Variants in CTNNA3 observed in about 807,000 individuals in gnomAD.
CTNNA3 encodes the protein catenin alpha-3.
Under a neutral mutation model 95.7 loss-of-function variants are expected in CTNNA3, and 76 were observed. The ratio of observed to expected loss-of-function variants is 0.79; its 90% CI spans 0.66 to 0.96. The LOEUF is 0.96. CTNNA3 is among the 40% of genes least tolerant of loss of function. The pLI is 0.00. For missense variants in CTNNA3, 1,191 were observed against 1,089.8 expected (o/e 1.09, Z -1.31); for synonymous variants, 431 against 374.4 (o/e 1.15, Z -1.74).
At chr10:66,616,969 A>G (rs1844538588) in intron 10 of CTNNA3, among the ~76,000 whole-genome samples, 1 of 151,998 alleles carries the variant, frequency 6.6e-6, no homozygotes. Flanking sequence ...GCCCTCTATG[A>G]ATATAGAATG....
intron 7 of CTNNA3, among the ~76,000 whole-genome samples, chr10:67,074,090 C>T (rs1202306447): frequency 7.8e-6 from 1 of 128,378 alleles, no homozygotes; most frequent in Non-Finnish European, 1.5e-5. Context: ...GGCTGGAGTG[C>T]AGTGGCGCCA....
intron 12 of CTNNA3, among the ~76,000 whole-genome samples, chr10:66,312,473 GA>G (rs1456715368): frequency 6.6e-6 from 1 of 151,888 alleles, no homozygotes; most frequent in Non-Finnish European, 1.5e-5. Context: ...TAAATACATT[GA>G]GGGGGAGTAT....
intron 1 of CTNNA3, among the ~76,000 whole-genome samples, chr10:67,670,758 C>T (rs570229266): frequency 7.6e-4 from 115 of 152,222 alleles, no homozygotes; most frequent in African/African-American, 2.7e-3. Context: ...AGTCTATATT[C>T]CCTGTTCTCA....
intron 13 of CTNNA3, among the ~76,000 whole-genome samples, chr10:66,238,796 T>C (rs1322734674): frequency 6.6e-6 from 1 of 152,008 alleles, no homozygotes; most frequent in African/African-American, 2.4e-5. Flanking sequence ...AAATATAATT[T>C]CTAATGTTTC....
intron 5 of CTNNA3, among the ~76,000 whole-genome samples, chr10:67,457,117 T>C (rs1847202491): frequency 6.6e-6 from 1 of 152,172 alleles, no homozygotes; most frequent in African/African-American, 2.4e-5. Flanking sequence ...AAATACTCTG[T>C]GAACAGGATT....
intron 9 of CTNNA3, among the ~76,000 whole-genome samples, chr10:66,642,385 C>T (rs1845551779): frequency 6.6e-6 from 1 of 151,724 alleles, no homozygotes; most frequent in Admixed American, 6.6e-5. Context: ...AATATATTCA[C>T]AGAAAATCAG....
chr10:67,246,930 G>C (rs1865930056), intron 5 of CTNNA3, among the ~76,000 whole-genome samples: 1 of 152,110 alleles, frequency 6.6e-6, no homozygotes, highest in South Asian at 2.1e-4. Context: ...ATCTCAATGT[G>C]AGTGGTACTT....
chr10:66,935,770 G>A (rs184434189), intron 7 of CTNNA3, among the ~76,000 whole-genome samples: 81 of 149,986 alleles, frequency 5.4e-4, no homozygotes, highest in Admixed American at 2.4e-3. Flanking sequence ...TATGCGTTTC[G>A]TAAACTCAGA....
intron 5 of CTNNA3, among the ~76,000 whole-genome samples, chr10:67,410,520 T>C (rs1845322716): frequency 1.3e-5 from 2 of 151,480 alleles, no homozygotes; most frequent in African/African-American, 4.9e-5. Context: ...AAAATAAAAG[T>C]TGGAAATATA....
chr10:67,744,893 A>C (rs1841365536), intron 1 of CTNNA3, among the ~76,000 whole-genome samples: 1 of 152,180 alleles, frequency 6.6e-6, no homozygotes, highest in African/African-American at 2.4e-5. Flanking sequence ...ATGCAGCCAA[A>C]AAACACATGA....
chr10:66,892,011 T>G (rs1845287781), intron 7 of CTNNA3, among the ~76,000 whole-genome samples: 1 of 152,136 alleles, frequency 6.6e-6, no homozygotes, highest in South Asian at 2.1e-4. Flanking sequence ...TTATTTATAC[T>G]GATCTATGGT....
At chr10:67,470,291 A>G (rs1035129839) in intron 5 of CTNNA3, among the ~76,000 whole-genome samples, 2 of 152,148 alleles carry the variant, frequency 1.3e-5, no homozygotes, top group African/African-American at 4.8e-5. Context: ...ATTCTTTTTT[A>G]TGGCTGAATA....
chr10:65,984,786 A>C (rs1401096981), intron 16 of CTNNA3, among the ~76,000 whole-genome samples: 1 of 151,460 alleles, frequency 6.6e-6, no homozygotes, highest in African/African-American at 2.4e-5. Flanking sequence ...GTATTTAAAA[A>C]GTTATTAATA....
intron 7 of CTNNA3, among the ~76,000 whole-genome samples, chr10:66,954,545 G>GT (rs1385485641): frequency 6.6e-6 from 1 of 152,134 alleles, no homozygotes; most frequent in Non-Finnish European, 1.5e-5. Flanking sequence ...GTAGGCACTG[G>GT]TCATGCCCCA....
At chr10:66,778,622 A>G (rs978435908) in intron 7 of CTNNA3, among the ~76,000 whole-genome samples, 1 of 152,120 alleles carries the variant, frequency 6.6e-6, no homozygotes, top group African/African-American at 2.4e-5. Context: ...TCAGCACTGT[A>G]TAGGGAAAGC....
intron 11 of CTNNA3, among the ~76,000 whole-genome samples, chr10:66,494,633 T>C (rs1840041526): frequency 6.6e-6 from 1 of 150,804 alleles, no homozygotes; most frequent in South Asian, 2.1e-4. Flanking sequence ...AGAAGAGAAA[T>C]TGTCTCACCT....
Position 67,558,869 on chromosome 10 carries a change from G to A in CTNNA3, c.293-19200C>T, listed in dbSNP as rs565543159. On this transcript the variant is annotated intron_variant, in intron 3 of 17. Transcript: ENST00000433211. The stretch of plus-strand genomic sequence containing the variant: ...ATGGCTCGGAGGGTCCTACGCCCAC[G>A]GAGTCTCGCTGATTGCTAGCACATC... 7.9e-5 allele frequency among the ~76,000 whole-genome samples: 12 copies of A among 152,318 alleles called. No homozygotes were observed. In the East Asian group the frequency reaches 1.5e-3, roughly 20 times the overall value.
chr10:67,304,775 A>G (rs1840469306), intron 5 of CTNNA3, among the ~76,000 whole-genome samples: 2 of 152,056 alleles, frequency 1.3e-5, no homozygotes. Flanking sequence ...AAAAATAAGC[A>G]GGTAGTTATA....
rs1171993283 is a variant in CTNNA3 at position 67,133,017 on chromosome 10, G to A, written c.1047+47300C>T. On this transcript the variant is annotated intron_variant, in intron 7 of 17. Transcript: ENST00000433211. ...CTAATATTTGATAGCAGACTACAGT[G>A]ACTATACTTAACAACAATATTATGT... Among the ~76,000 whole-genome samples, 4 of 151,746 alleles carry A rather than the reference G, an allele frequency of 2.6e-5. No homozygotes were observed. The Admixed American group carries it at 2.6e-4, about 10-fold the overall frequency.
Sources: gnomAD v4.1 joint callset for allele counts (sites outside exome capture counted in the v4.1 genomes callset) on GRCh38, gnomAD v4.1.1 for gene constraint, MANE v1.5 for transcripts, NCBI Gene and HGNC (gene_info 2026-07-23, HGNC 2026-07-21) for gene names.